The following CTNND2 variants were observed in gnomAD, a reference collection of about 807,000 sequenced individuals.
CTNND2 encodes the protein catenin delta-2.
A neutral mutation model predicts 144.4 loss-of-function variants in CTNND2; 22 were observed. The observed-to-expected ratio is 0.15, with a 90% confidence interval of 0.11 to 0.22. The LOEUF (loss-of-function observed/expected upper bound fraction) is 0.22. Ranked by LOEUF, CTNND2 falls within the 10% of genes least tolerant of loss-of-function variation. CTNND2 has a pLI of 1.00. For synonymous variants in CTNND2, 751 were observed against 695.6 expected (o/e 1.08, Z -1.25); for missense variants, 1,353 against 1,618.8 (o/e 0.84, Z 2.82).
At chr5:11,011,541 G>A (rs553875359) in intron 18 of CTNND2, among the ~76,000 whole-genome samples, 8 of 152,244 alleles carry the variant, frequency 5.3e-5, no homozygotes, top group African/African-American at 1.2e-4. Context: ...TAATTCATTC[G>A]GAGAGATACT....
chr5:11,626,535 T>C (rs1014280212), intron 2 of CTNND2, among the ~76,000 whole-genome samples: 2 of 152,072 alleles, frequency 1.3e-5, no homozygotes, highest in African/African-American at 4.8e-5. Context: ...AGTCAGAGTG[T>C]TTAAGTCACT....
At chr5:11,584,157 G>A (rs1778648851) in intron 2 of CTNND2, among the ~76,000 whole-genome samples, 1 of 152,156 alleles carries the variant, frequency 6.6e-6, no homozygotes, top group Admixed American at 6.6e-5. Context: ...GAGCATGGGG[G>A]CTTGAAATGA....
chr5:11,128,989 A>ATATATAATATATAATATATATT (rs1561351343), intron 12 of CTNND2, among the ~76,000 whole-genome samples: 1 of 26,504 alleles, frequency 3.8e-5, no homozygotes, highest in Non-Finnish European at 8.7e-5. Context: ...AAATATATAT[A>ATATATAATATATAATATATATT]ATATATAATA....
rs745965102 is a variant in CTNND2 at position 11,191,012 on chromosome 5, C to T, written c.1975+8436G>A. On this transcript the variant is annotated intron_variant, in intron 11 of 21. Coordinates refer to ENST00000304623, the MANE Select transcript of CTNND2 (RefSeq NM_001332.4). ...CAAGAGAACTGAGCCTTCCTGAGAT[C>T]TGCAGAAGGAAAGCAGAGGAAAATG... 2.6e-5 allele frequency among the ~76,000 whole-genome samples: 4 copies of T among 152,310 alleles called. No individual in the cohort carries two copies. In the South Asian group the frequency reaches 8.3e-4, roughly 32 times the overall value.
rs61757061 is a variant in CTNND2 at position 11,083,417 on chromosome 5, A to G, written c.2638-571T>C. 7.4e-4 allele frequency among the ~76,000 whole-genome samples: 113 copies of G among 152,352 alleles called. 4 individuals are homozygous for G. The East Asian group carries it at 0.015, about 20-fold the overall frequency. ...GAAAAGCAAGAGTGCACATGGTAAA[A>G]TGTTTTTTAAAAAACATTAAGGTTA... On this transcript the variant is annotated intron_variant, in intron 15 of 21. Coordinates refer to ENST00000304623, the MANE Select transcript of CTNND2 (RefSeq NM_001332.4).
intron 12 of CTNND2, among the ~76,000 whole-genome samples, chr5:11,134,155 T>C (rs970635260): frequency 2.0e-5 from 3 of 152,104 alleles, no homozygotes; most frequent in African/African-American, 4.8e-5. Flanking sequence ...GGGGGAAAGA[T>C]AGAGGTAGTG....
intron 16 of CTNND2, among the ~76,000 whole-genome samples, chr5:11,040,231 G>T (rs1744560752): frequency 6.6e-6 from 1 of 152,012 alleles, no homozygotes; most frequent in African/African-American, 2.4e-5. Flanking sequence ...GGGTGACAGG[G>T]TAAGACTCAG....
intron 3 of CTNND2, among the ~76,000 whole-genome samples, chr5:11,433,173 G>A (rs1472119493): frequency 6.6e-6 from 1 of 152,176 alleles, no homozygotes; most frequent in Non-Finnish European, 1.5e-5. Context: ...GTGAACCCGG[G>A]AGACAGAGCT....
At chr5:11,052,591 G>A (rs1489773461) in intron 16 of CTNND2, among the ~76,000 whole-genome samples, 1 of 152,056 alleles carries the variant, frequency 6.6e-6, no homozygotes, top group Non-Finnish European at 1.5e-5. Context: ...TTAGCATTGG[G>A]AGATTCACCT....
At chr5:10,997,499 G>C (rs868468188) in intron 18 of CTNND2, among the ~76,000 whole-genome samples, 5 of 151,656 alleles carry the variant, frequency 3.3e-5, no homozygotes, top group Non-Finnish European at 5.9e-5. Flanking sequence ...GGCTGAGGCA[G>C]GAGAATCACT....
intron 2 of CTNND2, among the ~76,000 whole-genome samples, chr5:11,590,504 A>C (rs1406241383): frequency 1.3e-5 from 2 of 152,142 alleles, no homozygotes; most frequent in African/African-American, 4.8e-5. Flanking sequence ...TCAAGCCATC[A>C]TGACATCCCC....
At chr5:11,369,560 T>C (rs929137068) in intron 7 of CTNND2, among the ~76,000 whole-genome samples, 21 of 152,130 alleles carry the variant, frequency 1.4e-4, no homozygotes, top group Non-Finnish European at 2.9e-4. Flanking sequence ...CATTTGTAGG[T>C]ACTAGTTAAT....
At chr5:11,667,701 C>G (rs1207725818) in intron 2 of CTNND2, among the ~76,000 whole-genome samples, 1 of 152,144 alleles carries the variant, frequency 6.6e-6, no homozygotes, top group Non-Finnish European at 1.5e-5. Flanking sequence ...AAAATTTTCT[C>G]CCATTCTGTA....
chr5:11,838,562 T>C (rs988386646), intron 1 of CTNND2, among the ~76,000 whole-genome samples: 3 of 152,098 alleles, frequency 2.0e-5, no homozygotes, highest in Admixed American at 2.0e-4. Flanking sequence ...CTGTGACAGA[T>C]TCAGTTTCAA....
In CTNND2 at chr5:10,988,604, T is replaced by G. The variant is rs997075645; in HGVS notation, c.3212-362A>C. 6.6e-6 allele frequency among the ~76,000 whole-genome samples: 1 copy of G among 152,282 alleles called. No individual in the cohort carries two copies. On this transcript the variant is annotated intron_variant, in intron 19 of 21. Coordinates refer to ENST00000304623, the MANE Select transcript of CTNND2 (RefSeq NM_001332.4). The surrounding 1 kb of genome is among the most constrained non-coding windows in gnomAD (Gnocchi z 5.9). ...TTTTGGTTTCTTCCTTTCTCTTCTC[T>G]TTTCCTTCCCTTTCCTTCCCGTGCT... is the stretch of plus-strand genomic sequence containing the variant.
chr5:11,215,870 A>G (rs557102691), intron 10 of CTNND2, among the ~76,000 whole-genome samples: 35 of 152,326 alleles, frequency 2.3e-4, no homozygotes, highest in Non-Finnish European at 3.8e-4. Flanking sequence ...GGTGAGGGAA[A>G]TAGTGATTTT....
chr5:11,459,832 G>T (rs1187800967), intron 3 of CTNND2, among the ~76,000 whole-genome samples: 1 of 152,072 alleles, frequency 6.6e-6, no homozygotes, highest in Non-Finnish European at 1.5e-5. Flanking sequence ...GTACATTTAG[G>T]TCAATGTCAA....
At chr5:11,517,457 AAAGTAT>A (rs1287440286) in intron 3 of CTNND2, among the ~76,000 whole-genome samples, 1 of 152,212 alleles carries the variant, frequency 6.6e-6, no homozygotes, top group Non-Finnish European at 1.5e-5. Flanking sequence ...CACCTTTGTT[AAAGTAT>A]AATTGAAAAA....
At chr5:11,842,417 G>C (rs1794518471) in intron 1 of CTNND2, among the ~76,000 whole-genome samples, 1 of 152,024 alleles carries the variant, frequency 6.6e-6, no homozygotes, top group Non-Finnish European at 1.5e-5. Context: ...ACATATACTG[G>C]ACAAAATCTC....
Sources: gnomAD v4.1 joint callset for allele counts (sites outside exome capture counted in the v4.1 genomes callset) on GRCh38, gnomAD v4.1.1 for gene constraint, Gnocchi (gnomAD v3.1) non-coding constraint, MANE v1.5 for transcripts, NCBI Gene and HGNC (gene_info 2026-07-23, HGNC 2026-07-21) for gene names.